The following ZCWPW2 variants were observed in gnomAD, a reference collection of about 807,000 sequenced individuals.
The protein encoded by ZCWPW2 is zinc finger CW-type PWWP domain protein 2.
Under a neutral mutation model 46.6 loss-of-function variants are expected in ZCWPW2, and 45 were observed. That is an observed-to-expected ratio of 0.96 (90% CI 0.76 to 1.24). The LOEUF (loss-of-function observed/expected upper bound fraction) is 1.24. ZCWPW2 is among the 50% of genes most tolerant of loss of function. The pLI is 0.00. For synonymous variants in ZCWPW2, 152 were observed against 137.1 expected, an observed-to-expected ratio of 1.11 and a Z score of -0.76; for missense variants, 429 against 403.9, an observed-to-expected ratio of 1.06 and a Z score of -0.53.
At chr3:28,476,614 G>A (rs1026015414) in intron 4 of ZCWPW2, among the ~76,000 whole-genome samples, 21 of 152,086 alleles carry the variant, frequency 1.4e-4, no homozygotes, top group Admixed American at 3.9e-4. Context: ...TCCATGGACT[G>A]GGGGAAGGAA....
chr3:28,440,452 G>C (rs951941545), intron 4 of ZCWPW2, among the ~76,000 whole-genome samples: 6 of 152,160 alleles, frequency 3.9e-5, no homozygotes, highest in African/African-American at 1.4e-4. Context: ...TCTACCTCTT[G>C]ATTCCTGGAC....
intron 4 of ZCWPW2, among the ~76,000 whole-genome samples, chr3:28,435,722 G>T (rs1697458365): frequency 6.6e-6 from 1 of 152,028 alleles, no homozygotes; most frequent in African/African-American, 2.4e-5. Flanking sequence ...TCCTGACCTT[G>T]TGATCAGCCC....
At chr3:28,412,969 A>AGGAATTTCTCTGATTTTTGGTT in intron 2 of ZCWPW2, 87 bp from the exon 3 acceptor site, 1 of 1,043,054 alleles carries the variant, frequency 9.6e-7, no homozygotes, top group Non-Finnish European at 1.4e-6. Flanking sequence ...GATATCAAAG[A>AGGAATTTCTCTGATTTTTGGTT]GGAATTTCTC....
intron 4 of ZCWPW2, among the ~76,000 whole-genome samples, chr3:28,464,205 A>C (rs546669863): frequency 2.0e-5 from 3 of 152,178 alleles, no homozygotes; most frequent in African/African-American, 7.2e-5. Context: ...TTGATATAAA[A>C]CTTCTCCCTG....
At chr3:28,410,978 C>A (rs1253100525) in intron 2 of ZCWPW2, among the ~76,000 whole-genome samples, 1 of 151,842 alleles carries the variant, frequency 6.6e-6, no homozygotes. Flanking sequence ...TAGAAAATTC[C>A]TCCCTTAGGC....
intron 4 of ZCWPW2, among the ~76,000 whole-genome samples, chr3:28,461,959 C>T (rs1296294879): frequency 6.6e-6 from 1 of 152,166 alleles, no homozygotes; most frequent in African/African-American, 2.4e-5. Flanking sequence ...ATTAACCAGA[C>T]ACCAGTGGTT....
intron 2 of ZCWPW2, among the ~76,000 whole-genome samples, chr3:28,393,528 C>T (rs1553632186): frequency 6.6e-6 from 1 of 151,888 alleles, no homozygotes; most frequent in Non-Finnish European, 1.5e-5. Context: ...AACGTAGACG[C>T]AAAAATCCTC....
chr3:28,390,314 C>T (rs1258926806), intron 1 of ZCWPW2, among the ~76,000 whole-genome samples, 184 bp from the exon 2 acceptor site: 2 of 152,144 alleles, frequency 1.3e-5, no homozygotes, highest in African/African-American at 4.8e-5. Context: ...TGATGAAATA[C>T]TATTACCATA....
chr3:28,508,356 A>G (rs1257484991), intron 6 of ZCWPW2, among the ~76,000 whole-genome samples: 2 of 152,054 alleles, frequency 1.3e-5, no homozygotes, highest in African/African-American at 4.8e-5. Context: ...TTTCTGAGTT[A>G]ATTTTTTTTT....
intron 3 of ZCWPW2, among the ~76,000 whole-genome samples, chr3:28,425,082 A>G (rs1696954468): frequency 6.6e-6 from 1 of 152,194 alleles, no homozygotes; most frequent in African/African-American, 2.4e-5. Flanking sequence ...AATTTGATTA[A>G]AAATTTTCTT....
intron 3 of ZCWPW2, among the ~76,000 whole-genome samples, chr3:28,416,990 G>T (rs1431613545): frequency 6.7e-6 from 1 of 148,578 alleles, no homozygotes; most frequent in Non-Finnish European, 1.5e-5. Context: ...TTTTTGTTGT[G>T]TCTCTGTCAG....
intron 4 of ZCWPW2, among the ~76,000 whole-genome samples, chr3:28,441,639 C>T (rs1042955699): frequency 6.6e-6 from 1 of 152,122 alleles, no homozygotes; most frequent in African/African-American, 2.4e-5. Context: ...GGACTGGAGA[C>T]CGTGGGCATT....
chr3:28,367,670 G>T (rs1490498676), intron 1 of ZCWPW2, among the ~76,000 whole-genome samples: 4 of 152,134 alleles, frequency 2.6e-5, no homozygotes, highest in Non-Finnish European at 4.4e-5. Flanking sequence ...TCCGCTTGGT[G>T]CAGAGCTGAG....
chr3:28,508,335 G>T (rs762216369), intron 6 of ZCWPW2, among the ~76,000 whole-genome samples: 10 of 152,040 alleles, frequency 6.6e-5, no homozygotes, highest in Non-Finnish European at 1.0e-4. Flanking sequence ...GACAGGTCAA[G>T]ACAATTATAT....
At chr3:28,430,477 C>T (rs1697211702) in intron 3 of ZCWPW2, among the ~76,000 whole-genome samples, 1 of 152,184 alleles carries the variant, frequency 6.6e-6, no homozygotes, top group Admixed American at 6.5e-5. Context: ...CTTGCCTTGT[C>T]TCAGATGAGA....
intron 4 of ZCWPW2, among the ~76,000 whole-genome samples, chr3:28,448,593 T>C (rs1231014650): frequency 6.6e-6 from 1 of 151,580 alleles, no homozygotes; most frequent in Non-Finnish European, 1.5e-5. Context: ...GAGACCCGCC[T>C]GGCCACCATG....
chr3:28,476,706 T>A (rs1160686256), intron 4 of ZCWPW2, among the ~76,000 whole-genome samples: 1 of 152,152 alleles, frequency 6.6e-6, no homozygotes, highest in Non-Finnish European at 1.5e-5. Flanking sequence ...TAATATATAA[T>A]GAAATAGTTA....
chr3:28,364,719 G>A (rs923678011), intron 1 of ZCWPW2, among the ~76,000 whole-genome samples: 1 of 151,386 alleles, frequency 6.6e-6, no homozygotes, highest in Non-Finnish European at 1.5e-5. Flanking sequence ...ATGTATACAC[G>A]TGCCATGTTG....
rs1327101565 is a variant in ZCWPW2, at chr3:28,367,123, G to GT, written c.-134+17926dup. ...CCTGGCTTCATTGATTTTTTGAAGG[G>GT]TTTTTTGTGTCTCTCTTTCCTTCAG... On this transcript the variant is annotated intron_variant, in intron 1 of 9. Transcript: ENST00000383768. 7.2e-5 allele frequency among the ~76,000 whole-genome samples: 11 copies of GT among 152,184 alleles called. No homozygotes were observed. The East Asian group carries it at 2.1e-3, about 29-fold the overall frequency.
Sources: gnomAD v4.1 joint callset for allele counts (sites outside exome capture counted in the v4.1 genomes callset) on GRCh38, gnomAD v4.1.1 for gene constraint, MANE v1.5 for transcripts, NCBI Gene and HGNC (gene_info 2026-07-23, HGNC 2026-07-21) for gene names.